Variants in PCDHA9 observed in about 807,000 individuals in gnomAD.
PCDHA9 encodes protocadherin alpha 9.
A neutral mutation model predicts 62.0 loss-of-function variants in PCDHA9; 62 were observed. The observed-to-expected ratio is 1.00, with a 90% CI of 0.81 to 1.23. The LOEUF (loss-of-function observed/expected upper bound fraction) is 1.23, where lower values mean the gene tolerates loss of function less well. Ranked by LOEUF, PCDHA9 falls within the 50% of genes most tolerant of loss-of-function variation. The probability of loss-of-function intolerance (pLI) is 0.00; values close to 1 mark genes in which losing one functional copy is unlikely to be tolerated. For missense variants in PCDHA9, 1,205 were observed against 1,249.8 expected (o/e 0.96, Z 0.54); for synonymous variants, 557 against 567.6 (o/e 0.98, Z 0.27).
chr5:140,882,061 G>GT, intron 1 of PCDHA9: 1 of 816,902 alleles, frequency 1.2e-6, no homozygotes, highest in Non-Finnish European at 1.9e-6. Flanking sequence ...ACACTTACAC[G>GT]TTCATGCGCA....
In PCDHA9 at chr5:140,949,770, T is replaced by C. The variant is rs955982016; in HGVS notation, c.2395-29179T>C. On this transcript the variant is annotated intron_variant, in intron 1 of 3. Coordinates refer to ENST00000532602, the MANE Select transcript of PCDHA9 (RefSeq NM_031857.2). ...TTAGCCCATTCACATTAGTGTAATA[T>C]TTGATATGTTTAGATTTGTGTCCTT... Among the ~76,000 whole-genome samples, 3 of 152,026 alleles carry C rather than the reference T, an allele frequency of 2.0e-5. 1 individual carries two copies. The highest frequency in any genetic ancestry group is 6.8e-3 in the Middle Eastern group (2 of 294).
chr5:140,948,315 G>A (rs246048), intron 1 of PCDHA9, among the ~76,000 whole-genome samples: 85,363 of 151,182 alleles, frequency 0.56, 24,689 homozygotes, highest in African/African-American at 0.69. Context: ...TTCTTGAGGG[G>A]TAATGTTTTC....
intron 1 of PCDHA9, chr5:140,969,506 G>A (rs1262259666): frequency 2.9e-5 from 41 of 1,426,940 alleles, no homozygotes; most frequent in Non-Finnish European, 3.6e-5. Context: ...TAGAAAAATA[G>A]CACTAAAGAA....
intron 3 of PCDHA9, among the ~76,000 whole-genome samples, chr5:141,006,502 C>T (rs987435396): frequency 1.8e-4 from 28 of 152,118 alleles, no homozygotes; most frequent in African/African-American, 2.9e-4. Context: ...TGTGAGCCAC[C>T]GCGCCTGGCT....
intron 1 of PCDHA9, chr5:140,876,899 C>A (rs781884794): frequency 5.0e-6 from 8 of 1,613,974 alleles, no homozygotes; most frequent in Non-Finnish European, 6.8e-6. Context: ...CACATCTTCA[C>A]GGTGTCGGCA....
rs1310925868 is a variant in PCDHA9, at chr5:140,850,823, TTC to T, written c.2331_2332del (p.Pro778LeufsTer27). 1 of 1,598,142 alleles carries T rather than the reference TTC, an allele frequency of 6.3e-7. No individual in the cohort carries two copies. The highest frequency in any genetic ancestry group is 1.3e-5 in the African/African-American group (1 of 74,356). ...ACCTCATGGCCTTCAGCCCGGGCCT[TTC>T]TCCTTGTGCTGGATCTACAGAGCGA... ...TDLMAFSPGL[S>X]PCAGSTERTG... On this transcript the variant is annotated frameshift_variant, in exon 1 of 4. Transcript: ENST00000532602. LOFTEE classifies it high-confidence loss of function.
intron 1 of PCDHA9, among the ~76,000 whole-genome samples, chr5:140,962,475 T>C (rs772721001): frequency 2.0e-5 from 3 of 152,232 alleles, no homozygotes; most frequent in Non-Finnish European, 4.4e-5. Context: ...TCTCTTTGTT[T>C]ATTCTAAGCA....
At chr5:140,936,007 C>G (rs1338541274) in intron 1 of PCDHA9, among the ~76,000 whole-genome samples, 3 of 151,820 alleles carry the variant, frequency 2.0e-5, no homozygotes, top group African/African-American at 7.3e-5. Flanking sequence ...ATTCTCCCAC[C>G]TCAGCCTCCC....
intron 1 of PCDHA9, among the ~76,000 whole-genome samples, chr5:140,936,295 C>T (rs1482125698): frequency 1.3e-5 from 2 of 152,182 alleles, no homozygotes; most frequent in African/African-American, 4.8e-5. Context: ...TATAACATTG[C>T]TATCCAATAG....
At chr5:140,872,850 G>T (rs1439631581) in intron 1 of PCDHA9, among the ~76,000 whole-genome samples, 2 of 152,084 alleles carry the variant, frequency 1.3e-5, no homozygotes, top group African/African-American at 4.8e-5. Context: ...ATATATTAAT[G>T]TGAGTACCTA....
intron 1 of PCDHA9, chr5:140,968,459 G>A (rs1554230743): frequency 6.2e-7 from 1 of 1,614,094 alleles, no homozygotes; most frequent in African/African-American, 1.3e-5. Flanking sequence ...CACTGTGACT[G>A]CCAACGTATA....
intron 1 of PCDHA9, among the ~76,000 whole-genome samples, chr5:140,906,631 C>A (rs919514401): frequency 6.6e-6 from 1 of 152,238 alleles, no homozygotes; most frequent in East Asian, 1.9e-4. Context: ...TCAGCAAGCA[C>A]CTCAGCAGGT....
chr5:140,858,781 T>C, intron 1 of PCDHA9: 1 of 406,616 alleles, frequency 2.5e-6, no homozygotes, highest in Non-Finnish European at 4.5e-6. Flanking sequence ...TAGTACTTCA[T>C]GTTATTTCAT....
intron 1 of PCDHA9, among the ~76,000 whole-genome samples, chr5:140,936,603 C>T (rs552102837): frequency 2.0e-5 from 3 of 152,324 alleles, no homozygotes; most frequent in Admixed American, 6.5e-5. Context: ...CTACTTTCCT[C>T]GCTGCTACTG....
In PCDHA9 at chr5:140,851,314, CTTG is replaced by C. The variant is rs1205555988; in HGVS notation, c.2394+428_2394+430del. On this transcript the variant is annotated intron_variant, in intron 1 of 3. Coordinates refer to ENST00000532602, the MANE Select transcript of PCDHA9 (RefSeq NM_031857.2). ...AGCAAAAATATATAGCAATTGTTACCTTGTTAAGTTTGTAGTTCTCTACATTTC... is the reference window on the plus strand; with the variant it reads ...AGCAAAAATATATAGCAATTGTTACCTTAAGTTTGTAGTTCTCTACATTTC... 1.1e-5 allele frequency: 11 copies of C among 997,988 alleles called. 1 individual carries two copies. The South Asian group carries it at 3.6e-4, about 33-fold the overall frequency. The allele number at this position is 997,988 out of a possible 1,614,324, so 61.8% of individuals were successfully genotyped here.
Position 140,979,011 on chromosome 5 carries a change from T to C in PCDHA9, c.2453+4T>C. On this transcript the variant is annotated splice_donor_region_variant and intron_variant, in intron 2 of 3. Coordinates refer to ENST00000532602, the MANE Select transcript of PCDHA9 (RefSeq NM_031857.2). ...CCCTGAGAGCAGGCATGCACAGGTA[T>C]GTATTTCCCTCCTCATTCACTCAGA... The C allele has an allele frequency of 6.2e-7, 1 of 1,613,950 alleles. No homozygotes were observed. The highest frequency in any genetic ancestry group is 8.5e-7 in the Non-Finnish European group (1 of 1,179,938).
chr5:140,978,789 A>G (rs2153817382), intron 1 of PCDHA9, 160 bp from the exon 2 acceptor site: 22 of 974,564 alleles, frequency 2.3e-5, no homozygotes, highest in Non-Finnish European at 2.6e-5. Flanking sequence ...CTAAAGTGCT[A>G]TATATGTAGA....
intron 2 of PCDHA9, 90 bp downstream of exon 2, chr5:140,979,097 C>T (rs2096835129): frequency 9.0e-6 from 14 of 1,547,204 alleles, no homozygotes; most frequent in African/African-American, 1.4e-5. Context: ...AAGCAGCTGT[C>T]AAAACTAAAA....
intron 2 of PCDHA9, among the ~76,000 whole-genome samples, chr5:140,980,982 C>G (rs1208541065): frequency 6.6e-6 from 1 of 151,990 alleles, no homozygotes; most frequent in East Asian, 1.9e-4. Flanking sequence ...ACTGAGCCCA[C>G]ACAATTTGCT....
Sources: allele counts gnomAD v4.1 joint callset (sites outside exome capture counted in the v4.1 genomes callset), GRCh38; gene constraint gnomAD v4.1.1; transcripts MANE v1.5; gene names NCBI Gene and HGNC (gene_info 2026-07-23, HGNC 2026-07-21).